CROCC: variants seen among roughly 807,000 people sequenced by gnomAD.
CROCC encodes the protein rootletin.
A neutral mutation model predicts 245.2 loss-of-function variants in CROCC; 180 were observed. The ratio of observed to expected loss-of-function variants is 0.73; its 90% CI spans 0.65 to 0.83. CROCC has a LOEUF of 0.83. Among genes scored for constraint, CROCC ranks in the 40% least tolerant of loss-of-function variants. CROCC has a pLI of 0.00. For synonymous variants in CROCC, 1,205 were observed against 1,241.6 expected (o/e 0.97, Z 0.62); for missense variants, 2,688 against 2,779.4 (o/e 0.97, Z 0.74).
At chr1:16,930,058 T>G in intron 4 of CROCC, 27 bp downstream of exon 4, 1 of 1,565,552 alleles carries the variant, frequency 6.4e-7, no homozygotes, top group Non-Finnish European at 8.6e-7. Flanking sequence ...CCTGCTCCTG[T>G]CCTCCCACCT....
In CROCC at chr1:16,968,201, A is replaced by C. The variant is rs2076450507; in HGVS notation, c.4861-2A>C. 1 of 1,559,298 alleles carries C rather than the reference A, an allele frequency of 6.4e-7. No homozygotes were observed. Among genetic ancestry groups the C allele is most frequent in the African/African-American group, 1.4e-5 (1 of 73,498 alleles). ...TGGGCCTGAGCCCCATGCCACCTGC[A>C]GGAGAAGATCAGCAAGATGAAGGCC... is the stretch of plus-strand genomic sequence containing the variant. On this transcript the variant is annotated splice_acceptor_variant, in intron 30 of 36. Coordinates refer to ENST00000375541, the MANE Select transcript of CROCC (RefSeq NM_014675.5). LOFTEE classifies it high-confidence loss of function.
intron 31 of CROCC, 123 bp downstream of exon 31, chr1:16,968,541 A>G (rs1348368595): frequency 2.0e-6 from 2 of 1,005,402 alleles, no homozygotes; most frequent in Non-Finnish European, 2.8e-6. Context: ...CATTTCACAG[A>G]TGGACAAATG....
intron 3 of CROCC, among the ~76,000 whole-genome samples, chr1:16,927,773 G>GT (rs1302819095): frequency 3.9e-5 from 6 of 152,282 alleles, no homozygotes; most frequent in Non-Finnish European, 8.8e-5. Context: ...ATTGACCTCA[G>GT]TGGGCTTGGC....
In CROCC at chr1:16,930,534, C is replaced by G; in HGVS notation, c.789C>G (p.Asp263Glu). Reference protein sequence around the residue: ...LSEDIRKVTNDWTRCRKELEH... With the variant: ...LSEDIRKVTNEWTRCRKELEH... Reference sequence around the variant, plus strand: ...AGGACATACGAAAGGTGACCAATGACTGGACACGCTGCCGCAAGGAGCTGG... The same window carrying G: ...AGGACATACGAAAGGTGACCAATGAGTGGACACGCTGCCGCAAGGAGCTGG... The change falls in exon 7 of 37, where the codon GAC (aspartate) becomes GAG (glutamate). Residue 263 changes from aspartate to glutamate, a missense_variant. Coordinates refer to ENST00000375541, the MANE Select transcript of CROCC (RefSeq NM_014675.5). 6.2e-7 allele frequency: 1 copy of G among 1,612,492 alleles called. No individual in the cohort carries two copies. The highest frequency in any genetic ancestry group is 8.5e-7 in the Non-Finnish European group (1 of 1,179,842).
At chr1:16,969,024 G>T (rs1244187940) in intron 31 of CROCC, 92 bp from the exon 32 acceptor site, 2 of 1,204,114 alleles carry the variant, frequency 1.7e-6, no homozygotes, top group Admixed American at 4.0e-5. Context: ...GAAGGGTGTG[G>T]ATTGGGCATG....
At chr1:16,928,223 C>G (rs1375241224) in intron 3 of CROCC, among the ~76,000 whole-genome samples, 2 of 152,282 alleles carry the variant, frequency 1.3e-5, no homozygotes, top group African/African-American at 4.8e-5. Context: ...TCAGAGTAAG[C>G]TGGGCTGGGG....
intron 8 of CROCC, among the ~76,000 whole-genome samples, chr1:16,933,037 C>G (rs1349130580): frequency 2.6e-5 from 4 of 152,258 alleles, no homozygotes; most frequent in Non-Finnish European, 4.4e-5. Flanking sequence ...TCTTGAACTC[C>G]TGAGCCCAAG....
intron 8 of CROCC, among the ~76,000 whole-genome samples, chr1:16,931,772 TTC>T (rs1364461032): frequency 6.6e-6 from 1 of 152,266 alleles, no homozygotes; most frequent in African/African-American, 2.4e-5. Flanking sequence ...TTTTTTTTTT[TTC>T]TCAGACGGAG....
intron 25 of CROCC, among the ~76,000 whole-genome samples, chr1:16,956,597 T>C (rs558376449): frequency 6.6e-6 from 1 of 152,292 alleles, no homozygotes; most frequent in Non-Finnish European, 1.5e-5. Flanking sequence ...AAACAGTGCA[T>C]GAACAGAGGG....
chr1:16,955,901 C>A, intron 24 of CROCC, 96 bp from the exon 25 acceptor site: 2 of 1,450,030 alleles, frequency 1.4e-6, no homozygotes, highest in Non-Finnish European at 9.4e-7. Context: ...GCAGGCAGTG[C>A]CTGATCCACT....
At chr1:16,961,378 GTCCTCCCTCCTCAGCC>G (rs1431100580) in intron 27 of CROCC, among the ~76,000 whole-genome samples, 3 of 151,694 alleles carry the variant, frequency 2.0e-5, no homozygotes, top group African/African-American at 7.3e-5. Context: ...GGCTCAAGTG[GTCCTCCCTCCTCAGCC>G]TCCTGAGTAG....
At chr1:16,947,219 A>G (rs1214322247) in intron 17 of CROCC, among the ~76,000 whole-genome samples, 1 of 152,274 alleles carries the variant, frequency 6.6e-6, no homozygotes, top group Non-Finnish European at 1.5e-5. Context: ...GCTCACGCCT[A>G]TAATCCCAGC....
intron 1 of CROCC, among the ~76,000 whole-genome samples, chr1:16,916,334 GGGTATGA>G: frequency 6.6e-6 from 1 of 152,392 alleles, no homozygotes; most frequent in African/African-American, 2.4e-5. Flanking sequence ...GGTAGGGGAG[GGGTATGA>G]CCTTTACTGT....
In CROCC at chr1:16,960,870, A is replaced by G. The variant is rs2076319735; in HGVS notation, c.4145A>G (p.Asp1382Gly). 1 of 1,516,254 alleles carries G rather than the reference A, an allele frequency of 6.6e-7. No individual in the cohort carries two copies. Among genetic ancestry groups the G allele is most frequent in the East Asian group, 2.6e-5 (1 of 38,852 alleles). The allele number at this position is 1,516,254 out of a possible 1,614,324, so 93.9% of individuals were successfully genotyped here. Residue 1382 changes from aspartate to glycine, a missense_variant, in exon 27 of 37, where the codon GAC (aspartate) becomes GGC (glycine). Coordinates refer to ENST00000375541, the MANE Select transcript of CROCC (RefSeq NM_014675.5). ...CGTGGCACTGAAAAGCAGCAGCTGG[A>G]CCACGCCCGCGGCCTGGAGCTGAAG... ...EARGTEKQQL[D>G]HARGLELKLE... is the part of the protein sequence containing the mutation.
chr1:16,959,351 T>A (rs2076294757), intron 26 of CROCC, among the ~76,000 whole-genome samples: 1 of 152,110 alleles, frequency 6.6e-6, no homozygotes, highest in Non-Finnish European at 1.5e-5. Context: ...TACAGAGCCC[T>A]CAGAGAGGTC....
chr1:16,969,845 G>C lies in CROCC; in HGVS notation c.5362G>C (p.Gly1788Arg). 1 of 1,613,274 alleles carries C rather than the reference G, an allele frequency of 6.2e-7. No homozygotes were observed. Among genetic ancestry groups the C allele is most frequent in the Non-Finnish European group, 8.5e-7 (1 of 1,179,680 alleles). ...GGCACGGAAGCAGAGCAGCTCCCTG[G>C]GCGAGCAGGTGCAGACGTTGCGAGG... ...SEARKQSSSL[G>R]EQVQTLRGEV... is the part of the protein sequence containing the mutation. Residue 1788 changes from glycine to arginine, a missense_variant, in exon 33 of 37, where the codon GGC becomes CGC. This residue lies in a region of CROCC where 1,218 missense variants were observed against 1,286.3 expected (regional missense o/e 0.95). Coordinates refer to ENST00000375541, the MANE Select transcript of CROCC (RefSeq NM_014675.5).
rs1241541928 is a variant in CROCC at position 16,945,345 on chromosome 1, G to C, written c.1992-117G>C. The C allele has an allele frequency of 4.7e-6, 7 of 1,473,712 alleles. No individual in the cohort carries two copies. In the African/African-American group the frequency reaches 9.6e-5, roughly 20 times the overall value. 91.3% of individuals were successfully genotyped at this position (1,473,712 alleles called of 1,614,324 possible). On this transcript the variant is annotated intron_variant, in intron 14 of 36. Coordinates refer to ENST00000375541, the MANE Select transcript of CROCC (RefSeq NM_014675.5). ...TGGGCTTGGTTGCCCTGTGGCTCAG[G>C]CTGTTTCTCTCCAAACTCCTGCCTC...
In CROCC at chr1:16,954,949, A is replaced by C. The variant is rs199511864; in HGVS notation, c.3465+72A>C. 2.8e-6 allele frequency: 4 copies of C among 1,440,820 alleles called. No individual in the cohort carries two copies. In the East Asian group the frequency reaches 1.0e-4, roughly 36 times the overall value. 89.3% of individuals were successfully genotyped at this position (1,440,820 alleles called of 1,614,324 possible). ...TGTGTGCCTGGGGGCCTAGTTCCCC[A>C]GGGCCCCAGAAGAGTGTAAGATTCC... is the stretch of plus-strand genomic sequence containing the variant. On this transcript the variant is annotated intron_variant, in intron 23 of 36. Transcript: ENST00000375541. This position sits in a 1 kb window ranked among gnomAD's most constrained non-coding sequence, Gnocchi z 4.4.
At chr1:16,918,300 CTTTTTT>C (rs201445636), upstream of CROCC, among the ~76,000 whole-genome samples, 1 of 123,872 alleles carries the variant, frequency 8.1e-6, no homozygotes, top group Non-Finnish European at 1.7e-5. Flanking sequence ...GGAATTCAGT[CTTTTTT>C]TTTTTTTTTT....
Sources: allele counts gnomAD v4.1 joint callset (sites outside exome capture counted in the v4.1 genomes callset), GRCh38; gene constraint gnomAD v4.1.1; regional missense constraint gnomAD v4.1.1; non-coding constraint Gnocchi (gnomAD v3.1); transcripts MANE v1.5; gene names NCBI Gene and HGNC (gene_info 2026-07-23, HGNC 2026-07-21).